ZFAT: variants seen among roughly 807,000 people sequenced by gnomAD.
ZFAT encodes the protein zinc finger and AT-hook domain containing, also known as zinc finger protein ZFAT.
Under a neutral mutation model 117.7 loss-of-function variants are expected in ZFAT, and 64 were observed. The ratio of observed to expected loss-of-function variants is 0.54; its 90% CI spans 0.44 to 0.67. ZFAT has a LOEUF of 0.67. Ranked by LOEUF, ZFAT falls within the 30% of genes least tolerant of loss-of-function variation. The pLI, the probability that ZFAT is intolerant of heterozygous loss-of-function variation, is 0.00. For missense variants in ZFAT, 1,433 were observed against 1,584.5 expected, an observed-to-expected ratio of 0.90 and a Z score of 1.62; for synonymous variants, 679 against 615.0, an observed-to-expected ratio of 1.10 and a Z score of -1.54.
chr8:134,771,357 A>G, the ZFAT span, among the ~76,000 whole-genome samples: 11 of 152,212 alleles, frequency 7.2e-5, no homozygotes, highest in African/African-American at 2.7e-4. Flanking sequence ...ACAGCACCCA[A>G]GTCACCTCTT....
the ZFAT span, among the ~76,000 whole-genome samples, chr8:134,743,007 G>A: frequency 6.6e-6 from 1 of 152,202 alleles, no homozygotes; most frequent in East Asian, 1.9e-4. Context: ...AAGTCCATTG[G>A]ACTGTCACAA....
intron 10 of ZFAT, among the ~76,000 whole-genome samples, chr8:134,573,021 T>C (rs1285947580): frequency 6.6e-6 from 1 of 152,190 alleles, no homozygotes; most frequent in Non-Finnish European, 1.5e-5. Flanking sequence ...ATCAACTCTA[T>C]GAAGTTCAAA....
At chr8:134,725,204 A>G in the ZFAT span, among the ~76,000 whole-genome samples, 1 of 152,120 alleles carries the variant, frequency 6.6e-6, no homozygotes, top group South Asian at 2.1e-4. Flanking sequence ...TCGTTTAACT[A>G]CTTTCTCCCT....
At chr8:134,826,059 T>C in the ZFAT span, among the ~76,000 whole-genome samples, 1 of 151,308 alleles carries the variant, frequency 6.6e-6, no homozygotes, top group African/African-American at 2.4e-5. Context: ...CCTTAATCAG[T>C]AACAATATGT....
chr8:134,828,192 ATCT>A, the ZFAT span, among the ~76,000 whole-genome samples: 1 of 152,130 alleles, frequency 6.6e-6, no homozygotes, highest in African/African-American at 2.4e-5. Context: ...CTCTTCTTTA[ATCT>A]TCATTTTTAC....
intron 2 of ZFAT, among the ~76,000 whole-genome samples, chr8:134,647,097 T>C (rs1830940983): frequency 6.6e-6 from 1 of 152,054 alleles, no homozygotes; most frequent in Non-Finnish European, 1.5e-5. Flanking sequence ...TACAGGCCAA[T>C]ATTCCTGATA....
the ZFAT span, among the ~76,000 whole-genome samples, chr8:134,735,015 G>T: frequency 1.3e-5 from 2 of 152,092 alleles, no homozygotes; most frequent in Non-Finnish European, 2.9e-5. Flanking sequence ...CAGTGTGGGT[G>T]CAAGTGTCTG....
At chr8:134,698,131 T>C (rs1833919574) in intron 1 of ZFAT, among the ~76,000 whole-genome samples, 1 of 151,744 alleles carries the variant, frequency 6.6e-6, no homozygotes, top group Non-Finnish European at 1.5e-5. Flanking sequence ...GAGACCAGCC[T>C]GGCCAACATG....
intron 1 of ZFAT, among the ~76,000 whole-genome samples, chr8:134,703,328 C>T (rs1268051182): frequency 6.6e-6 from 1 of 152,202 alleles, no homozygotes; most frequent in Non-Finnish European, 1.5e-5. Context: ...AAACCTTTTG[C>T]TCATTTTAAT....
At chr8:134,713,080 C>T, upstream of ZFAT, 1 of 479,222 alleles carries the variant, frequency 2.1e-6, no homozygotes, top group Non-Finnish European at 3.4e-6. Context: ...GCGTAGCGGA[C>T]GTCCGCTTCG....
chr8:134,785,016 A>G, the ZFAT span: 2 of 152,218 alleles, frequency 1.3e-5, no homozygotes, highest in Non-Finnish European at 2.9e-5. Flanking sequence ...AAAAAGACAG[A>G]TGTTGAACTG....
At chr8:134,635,178 G>A (rs1214731506) in intron 3 of ZFAT, among the ~76,000 whole-genome samples, 1 of 152,150 alleles carries the variant, frequency 6.6e-6, no homozygotes, top group African/African-American at 2.4e-5. Flanking sequence ...GTTTTAGAGA[G>A]TTGACCCTAA....
intron 12 of ZFAT, among the ~76,000 whole-genome samples, chr8:134,524,516 G>T (rs368310673): frequency 6.6e-6 from 1 of 152,288 alleles, no homozygotes; most frequent in Admixed American, 6.5e-5. Context: ...TAGGCCAGTG[G>T]TTCTAAACTA....
At chr8:134,488,266 G>A (rs4909615) in intron 15 of ZFAT, among the ~76,000 whole-genome samples, 26,709 of 152,196 alleles carry the variant, frequency 0.18, 2,495 homozygotes, top group Admixed American at 0.26. Context: ...GTTGGTGCAA[G>A]TTTGCTGGGG....
At chr8:134,575,461 A>C (rs1825231474) in intron 10 of ZFAT, among the ~76,000 whole-genome samples, 1 of 152,216 alleles carries the variant, frequency 6.6e-6, no homozygotes, top group Admixed American at 6.5e-5. Flanking sequence ...CAGGATGCAG[A>C]GACAGGTTCC....
chr8:134,553,618 CA>C (rs1370982013), intron 11 of ZFAT, among the ~76,000 whole-genome samples: 1 of 152,084 alleles, frequency 6.6e-6, no homozygotes, highest in Non-Finnish European at 1.5e-5. Flanking sequence ...GAATCTTAAA[CA>C]AAGTCATGAA....
At chr8:134,741,004 A>T in the ZFAT span, among the ~76,000 whole-genome samples, 1 of 152,128 alleles carries the variant, frequency 6.6e-6, no homozygotes, top group Admixed American at 6.5e-5. Context: ...TCCCTCTACC[A>T]TAACCAACAG....
At chr8:134,515,314 G>A (rs1769520838) in intron 13 of ZFAT, among the ~76,000 whole-genome samples, 1 of 152,082 alleles carries the variant, frequency 6.6e-6, no homozygotes, top group Non-Finnish European at 1.5e-5. Context: ...TAATCCTTTG[G>A]GTATATGCCC....
At position 134,712,733 on chromosome 8, in the gene ZFAT, G is replaced by C. The variant is rs1404033608; in HGVS notation, c.19+112C>G. 10 of 1,055,168 alleles carry C rather than the reference G, an allele frequency of 9.5e-6. No individual in the cohort carries two copies. The Admixed American group carries it at 3.0e-4, about 32-fold the overall frequency. 65.4% of individuals were successfully genotyped at this position (1,055,168 alleles called of 1,614,324 possible). A position where few individuals can be genotyped will look rare whatever the true frequency, so the allele number is the denominator to read the frequency against. On this transcript the variant is annotated intron_variant, in intron 1 of 15. Transcript: ENST00000377838. ...CGGATCCCTCCGCGGCCGGCGGCCGGCGGCCGGCGGCCGGCGCACTGCTTC... is the reference window on the plus strand; with the variant it reads ...CGGATCCCTCCGCGGCCGGCGGCCGCCGGCCGGCGGCCGGCGCACTGCTTC...
Sources: allele counts gnomAD v4.1 joint callset (sites outside exome capture counted in the v4.1 genomes callset), GRCh38; gene constraint gnomAD v4.1.1; transcripts MANE v1.5; gene names NCBI Gene and HGNC (gene_info 2026-07-23, HGNC 2026-07-21).